The following DYNLL1 variants were observed in gnomAD, a reference collection of about 807,000 sequenced individuals.
The protein encoded by DYNLL1 is dynein light chain LC8-type 1.
Under a neutral mutation model 10.1 loss-of-function variants are expected in DYNLL1, and 3 were observed. That is an observed-to-expected ratio of 0.30 (90% confidence interval 0.14 to 0.77). The LOEUF is 0.77. DYNLL1 is among the 30% of genes least tolerant of loss of function. The pLI is 0.66. For synonymous variants in DYNLL1, 46 were observed against 41.2 expected, an observed-to-expected ratio of 1.12 and a Z score of -0.45; for missense variants, 47 against 111.7, an observed-to-expected ratio of 0.42 and a Z score of 2.61.
intron 1 of DYNLL1, among the ~76,000 whole-genome samples, chr12:120,486,671 G>A (rs1356016873): frequency 2.0e-5 from 3 of 151,578 alleles, no homozygotes; most frequent in Non-Finnish European, 4.4e-5. Context: ...ATGGGGTCTT[G>A]CTATATTGCC....
upstream of DYNLL1, among the ~76,000 whole-genome samples, chr12:120,493,087 T>C (rs1210745156): frequency 6.6e-6 from 1 of 152,204 alleles, no homozygotes; most frequent in Non-Finnish European, 1.5e-5. Context: ...ATTTTCCAAG[T>C]GCAGGACACA....
chr12:120,495,646 C>CA (rs1442501765), upstream of DYNLL1, among the ~76,000 whole-genome samples: 2 of 133,660 alleles, frequency 1.5e-5, no homozygotes, highest in East Asian at 2.1e-4. Flanking sequence ...CCACCTCTGT[C>CA]GTAATCCTGC....
At position 120,497,910 on chromosome 12, in the gene DYNLL1, T is replaced by C. The variant is rs559799087; in HGVS notation, c.133-163T>C. The stretch of plus-strand genomic sequence containing the variant: ...CAGACTGCAAGTATGTTTGTATTAA[T>C]GTACTATGTAGGCGGCTTGGAGCTG... On this transcript the variant is annotated intron_variant, in intron 2 of 2. Transcript: ENST00000242577. The C allele has an allele frequency of 1.6e-4, 108 of 663,752 alleles. No individual in the cohort carries two copies. In the East Asian group the frequency reaches 2.2e-3, roughly 13 times the overall value. 41.1% of individuals were successfully genotyped at this position (663,752 alleles called of 1,614,324 possible). A position where few individuals can be genotyped will look rare whatever the true frequency, so the allele number is the denominator to read the frequency against.
chr12:120,496,314 G>A lies in DYNLL1; in HGVS notation c.-7+98G>A, dbSNP rs1429215307. The A allele has an allele frequency of 8.7e-6, 13 of 1,502,518 alleles. No individual in the cohort carries two copies. The East Asian group carries it at 2.7e-4, about 31-fold the overall frequency. The allele number at this position is 1,502,518 out of a possible 1,614,324, so 93.1% of individuals were successfully genotyped here. ...TAGCCCGCGCTTCCTGAGAAGTGGG[G>A]TGGGGGGCGTCGTCCCGTGGTGGCG... On this transcript the variant is annotated intron_variant, in intron 1 of 2. Coordinates refer to ENST00000242577, the MANE Select transcript of DYNLL1 (RefSeq NM_003746.3).
chr12:120,496,270 C>G, intron 1 of DYNLL1, 54 bp downstream of exon 1: 4 of 1,240,322 alleles, frequency 3.2e-6, no homozygotes, highest in Non-Finnish European at 4.5e-6. Context: ...TCGCCCCACT[C>G]CGGACTTAGC....
At chr12:120,497,826 T>C in intron 2 of DYNLL1, 1 of 485,486 alleles carries the variant, frequency 2.1e-6, no homozygotes. Context: ...CAAAACACCC[T>C]GTCTTTAGGG....
intron 1 of DYNLL1, among the ~76,000 whole-genome samples, chr12:120,478,410 ATT>A (rs77875091): frequency 7.7e-5 from 11 of 142,080 alleles, no homozygotes; most frequent in Non-Finnish European, 9.3e-5. Flanking sequence ...CCTGGCCCCA[ATT>A]TTTTTTTTTT....
intron 1 of DYNLL1, among the ~76,000 whole-genome samples, chr12:120,482,298 A>G (rs556855793): frequency 6.6e-6 from 1 of 151,610 alleles, no homozygotes; most frequent in African/African-American, 2.4e-5. Context: ...CAACATAGAA[A>G]GGCAAAGGTA....
intron 1 of DYNLL1, among the ~76,000 whole-genome samples, chr12:120,487,713 C>T (rs541074161): frequency 1.1e-4 from 17 of 152,120 alleles, no homozygotes; most frequent in Non-Finnish European, 1.6e-4. Context: ...CAGGATTGCA[C>T]GTGACCGTTG....
chr12:120,485,215 T>C (rs1878965434), intron 1 of DYNLL1, among the ~76,000 whole-genome samples: 1 of 150,828 alleles, frequency 6.6e-6, no homozygotes, highest in African/African-American at 2.4e-5. Context: ...ACCCCATCTT[T>C]AAAAATACAT....
At chr12:120,496,314 G>T (rs1429215307) in intron 1 of DYNLL1, 98 bp downstream of exon 1, 1 of 1,502,400 alleles carries the variant, frequency 6.7e-7, no homozygotes, top group Non-Finnish European at 9.0e-7. Context: ...GAGAAGTGGG[G>T]TGGGGGGCGT....
chr12:120,479,187 C>T (rs879876264), intron 1 of DYNLL1, among the ~76,000 whole-genome samples: 7 of 149,686 alleles, frequency 4.7e-5, no homozygotes, highest in African/African-American at 9.8e-5. Flanking sequence ...ATAGGCCAGG[C>T]GCGGTGGCTC....
At chr12:120,497,765 CGTCT>C in intron 2 of DYNLL1, 1 of 275,602 alleles carries the variant, frequency 3.6e-6, no homozygotes, top group Non-Finnish European at 6.9e-6. Flanking sequence ...TTGATGTCAC[CGTCT>C]GTCAATGAAT....
At chr12:120,487,272 CTTTTTTTTTTTTTTTTTTTTTTTT>C (rs71076619) in intron 1 of DYNLL1, among the ~76,000 whole-genome samples, 2 of 50,382 alleles carry the variant, frequency 4.0e-5, no homozygotes, top group Admixed American at 3.2e-4. Context: ...CGTGCCCGGC[CTTTTTTTTTTTTTTTTTTTTTTTT>C]TTTTTTTTTT....
Position 120,498,258 on chromosome 12 carries a change from C to T in DYNLL1, c.*48C>T, listed in dbSNP as rs1386643215. 3.2e-6 allele frequency: 5 copies of T among 1,569,070 alleles called. No individual in the cohort carries two copies. The highest frequency in any genetic ancestry group is 4.3e-6 in the Non-Finnish European group (5 of 1,164,950). On this transcript the variant is annotated 3_prime_UTR_variant, in exon 3 of 3. Coordinates refer to ENST00000242577, the MANE Select transcript of DYNLL1 (RefSeq NM_003746.3). ...CCAGTGATCCATCCAAAAACAAGGA[C>T]TGCAGCCTAAATTCCAAATACCAGA...
chr12:120,472,843 G>A (rs1878679765), intron 1 of DYNLL1, among the ~76,000 whole-genome samples: 1 of 152,186 alleles, frequency 6.6e-6, no homozygotes. Flanking sequence ...AGGCATTTAT[G>A]ATCATCCATG....
At chr12:120,471,032 G>A (rs1326879773) in intron 1 of DYNLL1, among the ~76,000 whole-genome samples, 3 of 151,240 alleles carry the variant, frequency 2.0e-5, no homozygotes, top group Non-Finnish European at 4.4e-5. Flanking sequence ...GTGACAGAGT[G>A]AGACTGTCTC....
exon 1 of DYNLL1, chr12:120,469,855 C>G: frequency 3.9e-6 from 1 of 256,272 alleles, no homozygotes; most frequent in Non-Finnish European, 7.3e-6. Flanking sequence ...CGGGCGCTGA[C>G]AGGGAGAGCC....
chr12:120,496,725 AC>A (rs1868426382), intron 2 of DYNLL1, 172 bp downstream of exon 2: 3 of 821,142 alleles, frequency 3.7e-6, no homozygotes, highest in African/African-American at 1.9e-5. Context: ...AGAAGACCAG[AC>A]CCCCGGCGTC....
Sources: gnomAD v4.1 joint callset for allele counts (sites outside exome capture counted in the v4.1 genomes callset) on GRCh38, gnomAD v4.1.1 for gene constraint, MANE v1.5 for transcripts, NCBI Gene and HGNC (gene_info 2026-07-23, HGNC 2026-07-21) for gene names.